ANKRD16: variants seen among roughly 807,000 people sequenced by gnomAD.
The protein encoded by ANKRD16 is ankyrin repeat domain 16.
ANKRD16 carries 35 observed loss-of-function variants against 37.9 expected under a neutral mutation model. The ratio of observed to expected loss-of-function variants is 0.92; its 90% CI spans 0.71 to 1.23. The LOEUF (loss-of-function observed/expected upper bound fraction) is 1.23. Ranked by LOEUF, ANKRD16 falls within the 50% of genes most tolerant of loss-of-function variation. The pLI is 0.00. For missense variants in ANKRD16, 480 were observed against 469.9 expected, an observed-to-expected ratio of 1.02 and a Z score of -0.20; for synonymous variants, 206 against 197.2, an observed-to-expected ratio of 1.04 and a Z score of -0.37.
At position 5,878,416 on chromosome 10, in the gene ANKRD16, C is replaced by T; in HGVS notation, c.929-129G>A. 1.3e-6 allele frequency: 1 copy of T among 798,610 alleles called. No individual in the cohort carries two copies. The highest frequency in any genetic ancestry group is 1.8e-5 in the African/African-American group (1 of 56,526). 49.5% of individuals were successfully genotyped at this position (798,610 alleles called of 1,614,324 possible). ...CTTCCGTAATCCATCTTCACAACTT[C>T]ACCTATACTAGATCAAAATATTTTT... On this transcript the variant is annotated intron_variant, in intron 6 of 7. Transcript: ENST00000380094. This position sits in a 1 kb window ranked among gnomAD's most constrained non-coding sequence, Gnocchi z 5.1.
At position 5,889,562 on chromosome 10, in the gene ANKRD16, C is replaced by T. The variant is rs966279939; in HGVS notation, c.-208G>A. The stretch of plus-strand genomic sequence containing the variant: ...ACCCCCGGCCTAGTCCGCAGGCGGG[C>T]TGCCCCCTCACAGCCCCGGCCTGCC... On this transcript the variant is annotated 5_prime_UTR_variant, in exon 1 of 8. Transcript: ENST00000380094. 11 of 271,774 alleles carry T rather than the reference C, an allele frequency of 4.0e-5. No individual in the cohort carries two copies. Among genetic ancestry groups the T allele is most frequent in the African/African-American group, 2.3e-4 (10 of 44,332 alleles). The allele number at this position is 271,774 out of a possible 1,614,324, so 16.8% of individuals were successfully genotyped here. A position where few individuals can be genotyped will look rare whatever the true frequency, so the allele number is the denominator to read the frequency against.
At chr10:5,885,802 T>A in intron 2 of ANKRD16, 37 bp from the exon 3 acceptor site, 3 of 1,586,574 alleles carry the variant, frequency 1.9e-6, no homozygotes, top group Non-Finnish European at 2.6e-6. Context: ...TAGAGCTTTT[T>A]AGTGCACACA....
chr10:5,880,305 A>AT lies in ANKRD16; in HGVS notation c.920dup (p.Asn307LysfsTer29), dbSNP rs757972825. ...TATAAAATTAAACGGTACCTGATCG[A>AT]TTTTTTTCATCTTTAGAATTGATGT... On this transcript the variant is annotated frameshift_variant, in exon 6 of 8. Transcript: ENST00000380094. LOFTEE classifies it high-confidence loss of function. The AT allele has an allele frequency of 6.9e-6, 11 of 1,594,148 alleles. No individual in the cohort carries two copies. The highest frequency in any genetic ancestry group is 1.4e-5 in the African/African-American group (1 of 73,924).
rs961016751 is a variant in ANKRD16 at position 5,870,674 on chromosome 10, C to T, written c.*33+7423G>A. ...GTGTTGGGATTACAGGCGTGAGCCA[C>T]GTGCCTGGCCATTGCTATTTTTAAA... On this transcript the variant is annotated intron_variant, in intron 7 of 7. Coordinates refer to ENST00000380094, the MANE Select transcript of ANKRD16 (RefSeq NM_019046.3). The surrounding 1 kb of genome is among the most constrained non-coding windows in gnomAD (Gnocchi z 5.0). Among the ~76,000 whole-genome samples the T allele has an allele frequency of 2.0e-5, 3 of 152,178 alleles. No individual in the cohort carries two copies. The highest frequency in any genetic ancestry group is 6.5e-5 in the Admixed American group (1 of 15,272).
chr10:5,880,492 A>G, intron 5 of ANKRD16, 116 bp from the exon 6 acceptor site: 2 of 502,042 alleles, frequency 4.0e-6, no homozygotes, highest in South Asian at 6.4e-5. Context: ...GCCAAGGTTA[A>G]GGACATACCT....
rs1171798591 is a variant in ANKRD16, at chr10:5,870,831, C to A, written c.*33+7266G>T. ...AGAGGTGTCATGTTGGTTGAAATGC[C>A]TGCAGAACCCTCCTGTTGCTGTGCT... On this transcript the variant is annotated intron_variant, in intron 7 of 7. Transcript: ENST00000380094. The surrounding 1 kb of genome is among the most constrained non-coding windows in gnomAD (Gnocchi z 5.0). Among the ~76,000 whole-genome samples the A allele has an allele frequency of 6.6e-6, 1 of 152,174 alleles. No homozygotes were observed. Among genetic ancestry groups the A allele is most frequent in the Non-Finnish European group, 1.5e-5 (1 of 68,026 alleles).
At chr10:5,872,633 T>C (rs1842112607) in intron 7 of ANKRD16, among the ~76,000 whole-genome samples, 1 of 151,804 alleles carries the variant, frequency 6.6e-6, no homozygotes, top group Non-Finnish European at 1.5e-5. Context: ...CTCAGCTCAC[T>C]GCAAGCTCCA....
At chr10:5,872,335 C>T (rs550662551) in intron 7 of ANKRD16, among the ~76,000 whole-genome samples, 2 of 151,848 alleles carry the variant, frequency 1.3e-5, no homozygotes, top group South Asian at 2.1e-4. Flanking sequence ...AAAAATTAGC[C>T]AGGCATGGTG....
intron 7 of ANKRD16, among the ~76,000 whole-genome samples, chr10:5,876,466 C>T (rs1375156446): frequency 2.0e-5 from 3 of 152,178 alleles, no homozygotes; most frequent in African/African-American, 7.2e-5. Context: ...CCCACCTGTA[C>T]ACGTGAAATA....
intron 5 of ANKRD16, among the ~76,000 whole-genome samples, chr10:5,882,141 T>A (rs1473331973): frequency 6.6e-6 from 1 of 152,156 alleles, no homozygotes; most frequent in Non-Finnish European, 1.5e-5. Context: ...ACAGTTAAGG[T>A]TCCAGGTTCA....
chr10:5,887,287 C>G (rs1444322331), intron 2 of ANKRD16, among the ~76,000 whole-genome samples: 2 of 151,820 alleles, frequency 1.3e-5, no homozygotes, highest in African/African-American at 4.8e-5. Flanking sequence ...AACACAGATA[C>G]ACACGAAAAA....
intron 7 of ANKRD16, among the ~76,000 whole-genome samples, chr10:5,877,208 G>A (rs566050350): frequency 6.6e-6 from 1 of 152,246 alleles, no homozygotes; most frequent in Admixed American, 6.5e-5. Flanking sequence ...TGCCTCCTGG[G>A]TTCAGGCAAT....
chr10:5,872,423 G>A (rs963068797), intron 7 of ANKRD16, among the ~76,000 whole-genome samples: 1 of 152,064 alleles, frequency 6.6e-6, no homozygotes, highest in Non-Finnish European at 1.5e-5. Context: ...AGGCTGCAGT[G>A]AGCCGAGATT....
In ANKRD16 at chr10:5,866,815, G is replaced by C. The variant is rs1842021168; in HGVS notation, c.*34-4124C>G. 6.6e-6 allele frequency among the ~76,000 whole-genome samples: 1 copy of C among 152,008 alleles called. No homozygotes were observed. Among genetic ancestry groups the C allele is most frequent in the African/African-American group, 2.4e-5 (1 of 41,362 alleles). Reference sequence around the variant, plus strand: ...AAGAGAGGAAGAGACAGAGACAAAGGAGTCAAAGAGGGAGACAGAGAGAGG... The same window carrying C: ...AAGAGAGGAAGAGACAGAGACAAAGCAGTCAAAGAGGGAGACAGAGAGAGG... On this transcript the variant is annotated intron_variant, in intron 7 of 7. Coordinates refer to ENST00000380094, the MANE Select transcript of ANKRD16 (RefSeq NM_019046.3). This position sits in a 1 kb window ranked among gnomAD's most constrained non-coding sequence, Gnocchi z 4.3.
chr10:5,867,556 T>C (rs749505952), intron 7 of ANKRD16, among the ~76,000 whole-genome samples: 12 of 152,196 alleles, frequency 7.9e-5, no homozygotes, highest in East Asian at 5.8e-4. Context: ...CCCAAACTTA[T>C]AAGGTTTTCA....
chr10:5,875,832 CCT>C (rs1341637448), intron 7 of ANKRD16, among the ~76,000 whole-genome samples: 1 of 151,844 alleles, frequency 6.6e-6, no homozygotes, highest in Non-Finnish European at 1.5e-5. Context: ...CCTGCCTTAG[CCT>C]CTCAAGTAAC....
In ANKRD16 at chr10:5,864,426, T is replaced by C. The variant is rs1027746904; in HGVS notation, c.*34-1735A>G. 2.0e-5 allele frequency among the ~76,000 whole-genome samples: 3 copies of C among 152,128 alleles called. No homozygotes were observed. The highest frequency in any genetic ancestry group is 2.0e-4 in the Admixed American group (3 of 15,270). ...ACCCGGGTACATGTCCCCTTCTCCT[T>C]CTCTGATTTAAAGCAGATCAAGGTA... On this transcript the variant is annotated intron_variant, in intron 7 of 7. Transcript: ENST00000380094. The surrounding 1 kb of genome is among the most constrained non-coding windows in gnomAD (Gnocchi z 4.4).
rs1435572967 is a variant in ANKRD16, at chr10:5,887,902, GCAAA to G, written c.476_479del (p.Val159AlafsTer50). 1.2e-6 allele frequency: 2 copies of G among 1,614,090 alleles called. No homozygotes were observed. Among genetic ancestry groups the G allele is most frequent in the Non-Finnish European group, 1.7e-6 (2 of 1,180,024 alleles). On this transcript the variant is annotated frameshift_variant, in exon 2 of 8. Transcript: ENST00000380094. LOFTEE classifies it high-confidence loss of function. ...TGCTCTCTGTCTTCCAGGCACCTGG[GCAAA>G]CAGTGAGCAGGTACTGGAGGATCAG...
In ANKRD16 at chr10:5,889,045, C is replaced by T. The variant is rs774219633; in HGVS notation, c.310G>A (p.Asp104Asn). The T allele has an allele frequency of 4.0e-5, 61 of 1,534,176 alleles. No individual in the cohort carries two copies. The highest frequency in any genetic ancestry group is 3.7e-4 in the South Asian group (31 of 84,024). Reference sequence around the variant, plus strand: ...GTCTTTCCGCTCCACACCTACCAGTCGGCCTTCTTCAGGCAGTCGACCGCT... The same window carrying T: ...GTCTTTCCGCTCCACACCTACCAGTTGGCCTTCTTCAGGCAGTCGACCGCT... ...GAAVDCLKKADWTPLMMACTR... is the reference protein window; with the variant it reads ...GAAVDCLKKANWTPLMMACTR... The change falls in exon 1 of 8, where the codon GAC (aspartate) becomes AAC (asparagine). Residue 104 changes from aspartate to asparagine, a missense_variant. By Grantham distance (23) the Asp-to-Asn change is conservative. Coordinates refer to ENST00000380094, the MANE Select transcript of ANKRD16 (RefSeq NM_019046.3).
Sources: allele counts gnomAD v4.1 joint callset (sites outside exome capture counted in the v4.1 genomes callset), GRCh38; gene constraint gnomAD v4.1.1; non-coding constraint Gnocchi (gnomAD v3.1); transcripts MANE v1.5; gene names NCBI Gene and HGNC (gene_info 2026-07-23, HGNC 2026-07-21).